Variants in KAZN observed in about 807,000 individuals in gnomAD.
KAZN encodes kazrin, periplakin interacting protein.
KAZN carries 40 observed loss-of-function variants against 87.4 expected under a neutral mutation model. The observed-to-expected ratio is 0.46, with a 90% CI of 0.36 to 0.60. The LOEUF is 0.60. Ranked by LOEUF, KAZN falls within the 20% of genes least tolerant of loss-of-function variation. The pLI is 0.00. For synonymous variants in KAZN, 466 were observed against 458.3 expected (o/e 1.02, Z -0.22); for missense variants, 898 against 1,073.9 (o/e 0.84, Z 2.29).
chr1:14,277,661 T>TG (rs1652484271), intron 2 of KAZN, among the ~76,000 whole-genome samples: 1 of 140,268 alleles, frequency 7.1e-6, no homozygotes, highest in Non-Finnish European at 1.5e-5. Flanking sequence ...GACTCCCTCT[T>TG]GAAAAAAAAA....
chr1:14,815,395 G>A lies in KAZN; in HGVS notation c.227-145289G>A, dbSNP rs544813150. On this transcript the variant is annotated intron_variant, in intron 1 of 14. Transcript: ENST00000376030. Reference sequence around the variant, plus strand: ...AATAAACACTAGACTTAAGCACTTGGCCCAGCTTCCAGTGCAGCGTCACCT... The same window carrying A: ...AATAAACACTAGACTTAAGCACTTGACCCAGCTTCCAGTGCAGCGTCACCT... 1.1e-4 allele frequency among the ~76,000 whole-genome samples: 16 copies of A among 152,220 alleles called. 1 individual carries two copies. The East Asian group carries it at 2.7e-3, about 26-fold the overall frequency.
intron 2 of KAZN, among the ~76,000 whole-genome samples, chr1:14,211,789 C>T (rs1319111085): frequency 6.6e-6 from 1 of 152,116 alleles, no homozygotes; most frequent in Non-Finnish European, 1.5e-5. Flanking sequence ...CCAAATTTAT[C>T]AGCTTACCAC....
chr1:14,297,327 A>G (rs1377169835), intron 2 of KAZN, among the ~76,000 whole-genome samples: 1 of 152,240 alleles, frequency 6.6e-6, no homozygotes, highest in African/African-American at 2.4e-5. Context: ...GGAGGCATGA[A>G]TGGGTCCATC....
intron 1 of KAZN, among the ~76,000 whole-genome samples, chr1:14,130,493 T>C (rs1220237823): frequency 1.3e-5 from 2 of 152,128 alleles, no homozygotes; most frequent in African/African-American, 4.8e-5. Flanking sequence ...ATGCTGTTTC[T>C]GAAAAAATAA....
intron 2 of KAZN, among the ~76,000 whole-genome samples, chr1:14,348,051 A>ATT (rs70997137): frequency 0.16 from 18,681 of 117,606 alleles, 2,384 homozygotes; most frequent in African/African-American, 0.29. Context: ...CACCTGGCTA[A>ATT]TTTTTTTTTT....
At chr1:14,028,281 A>C (rs544168007) in intron 1 of KAZN, among the ~76,000 whole-genome samples, 1 of 152,164 alleles carries the variant, frequency 6.6e-6, no homozygotes, top group South Asian at 2.1e-4. Flanking sequence ...GTTGATGGGT[A>C]TGCACAGACT....
Position 13,925,032 on chromosome 1 carries a change from A to C in KAZN, c.91+31276A>C, listed in dbSNP as rs1640220529. ...ACAAAGTCAAATTTAGAGCATTTTT[A>C]TCAGCTCACATAGAACCCCATACAC... On this transcript the variant is annotated intron_variant, in intron 1 of 16. Coordinates refer to the KAZN transcript ENST00000636203. 3.3e-5 allele frequency among the ~76,000 whole-genome samples: 5 copies of C among 152,302 alleles called. No individual in the cohort carries two copies. In the South Asian group the frequency reaches 1.0e-3, roughly 32 times the overall value.
rs1641863557 is a variant in KAZN at position 15,116,937 on chromosome 1, G to A, written c.*2302G>A. ...TGAGGCAACACGGGCAACCGCGAAT[G>A]CCTCTTTTGGTTTAAATTATGCCAT... is the stretch of plus-strand genomic sequence containing the variant. On this transcript the variant is annotated 3_prime_UTR_variant, in exon 15 of 15. Coordinates refer to ENST00000376030, the MANE Select transcript of KAZN (RefSeq NM_201628.3). 6.6e-6 allele frequency: 1 copy of A among 152,168 alleles called. No individual in the cohort carries two copies. The highest frequency in any genetic ancestry group is 6.5e-5 in the Admixed American group (1 of 15,276). 9.4% of individuals were successfully genotyped at this position (152,168 alleles called of 1,614,324 possible).
At chr1:14,185,101 A>G (rs1467202893) in intron 2 of KAZN, among the ~76,000 whole-genome samples, 1 of 152,176 alleles carries the variant, frequency 6.6e-6, no homozygotes, top group Non-Finnish European at 1.5e-5. Context: ...AGACATCAGA[A>G]GGATCCTGGG....
chr1:14,281,992 C>T (rs1652873200), intron 2 of KAZN, among the ~76,000 whole-genome samples: 1 of 152,164 alleles, frequency 6.6e-6, no homozygotes, highest in Admixed American at 6.5e-5. Flanking sequence ...CCCACACCTA[C>T]AGTTTAAGGA....
intron 1 of KAZN, among the ~76,000 whole-genome samples, chr1:14,092,929 T>G (rs1644040473): frequency 6.6e-6 from 1 of 152,208 alleles, no homozygotes; most frequent in Non-Finnish European, 1.5e-5. Flanking sequence ...CTGGTTACAT[T>G]CTGTGGTTCA....
chr1:14,197,057 GA>G (rs1349456315), intron 2 of KAZN, among the ~76,000 whole-genome samples: 1 of 152,020 alleles, frequency 6.6e-6, no homozygotes, highest in Non-Finnish European at 1.5e-5. Context: ...TGTGATAAGG[GA>G]AAATTAGGTG....
intron 1 of KAZN, among the ~76,000 whole-genome samples, chr1:14,742,566 G>T (rs529977339): frequency 6.6e-6 from 1 of 152,262 alleles, no homozygotes; most frequent in Non-Finnish European, 1.5e-5. Flanking sequence ...TCTCTGTGCT[G>T]CAGTCTTGGG....
intron 2 of KAZN, among the ~76,000 whole-genome samples, chr1:15,005,455 C>CTGTTTTGTTT (rs766143797): frequency 2.0e-5 from 3 of 152,102 alleles, no homozygotes; most frequent in Non-Finnish European, 2.9e-5. Context: ...CCACCCCTTC[C>CTGTTTTGTTT]TGTTTTGTTT....
intron 1 of KAZN, among the ~76,000 whole-genome samples, chr1:14,129,765 A>G (rs979573): frequency 0.57 from 87,225 of 152,048 alleles, 26,314 homozygotes; most frequent in East Asian, 0.76. Context: ...GGAGAGAGAG[A>G]AGAGTGAGTG....
chr1:14,164,116 T>C (rs139213601), intron 1 of KAZN, among the ~76,000 whole-genome samples: 223 of 152,334 alleles, frequency 1.5e-3, no homozygotes, highest in African/African-American at 5.2e-3. Context: ...TGTTATCTAT[T>C]ACTGCTCATA....
chr1:14,609,514 T>G (rs1677646400), intron 1 of KAZN, among the ~76,000 whole-genome samples: 1 of 152,220 alleles, frequency 6.6e-6, no homozygotes, highest in African/African-American at 2.4e-5. Context: ...ATGAGTCAAC[T>G]CAAAACCCAC....
intron 1 of KAZN, among the ~76,000 whole-genome samples, chr1:14,167,199 G>A (rs1645847347): frequency 6.6e-6 from 1 of 152,224 alleles, no homozygotes; most frequent in Non-Finnish European, 1.5e-5. Context: ...GTCAAGGTCA[G>A]GGGACAGAGC....
At chr1:14,177,525 G>C (rs1433500604) in intron 1 of KAZN, among the ~76,000 whole-genome samples, 1 of 152,164 alleles carries the variant, frequency 6.6e-6, no homozygotes, top group Non-Finnish European at 1.5e-5. Context: ...GATGGTTATA[G>C]AACTGTACAT....
Sources: gnomAD v4.1 joint callset for allele counts (sites outside exome capture counted in the v4.1 genomes callset) on GRCh38, gnomAD v4.1.1 for gene constraint, MANE v1.5 for transcripts, NCBI Gene and HGNC (gene_info 2026-07-23, HGNC 2026-07-21) for gene names.